PHACTR2: variants seen among roughly 807,000 people sequenced by gnomAD.
PHACTR2 encodes phosphatase and actin regulator 2, also known as chromosome 6 open reading frame 56.
In PHACTR2, 30 loss-of-function variants were observed where a neutral mutation model predicts 76.0. That is an observed-to-expected ratio of 0.39 (90% CI 0.30 to 0.54). The LOEUF (loss-of-function observed/expected upper bound fraction) is 0.54, where lower values mean the gene tolerates loss of function less well. Among genes scored for constraint, PHACTR2 ranks in the 20% least tolerant of loss-of-function variants. The probability of loss-of-function intolerance (pLI) is 0.61; values close to 1 mark genes in which losing one functional copy is unlikely to be tolerated. For missense variants in PHACTR2, 696 were observed against 781.1 expected (o/e 0.89, Z 1.30); for synonymous variants, 292 against 292.5 (o/e 1.00, Z 0.02).
chr6:143,669,951 G>T (rs996196858), intron 1 of PHACTR2, among the ~76,000 whole-genome samples: 3 of 152,148 alleles, frequency 2.0e-5, no homozygotes, highest in Admixed American at 6.5e-5. Flanking sequence ...AGTGTCGATG[G>T]ACTTTACAAT....
chr6:143,790,871 G>T (rs1775668591), intron 11 of PHACTR2, among the ~76,000 whole-genome samples: 1 of 152,028 alleles, frequency 6.6e-6, no homozygotes, highest in East Asian at 1.9e-4. Context: ...TAGAGATGGG[G>T]TTTCACCGTG....
At position 143,800,108 on chromosome 6, in the gene PHACTR2, T is replaced by C. The variant is rs958001173; in HGVS notation, c.1846-6949T>C. On this transcript the variant is annotated intron_variant, in intron 11 of 12. Coordinates refer to ENST00000440869, the MANE Select transcript of PHACTR2 (RefSeq NM_001100164.2). This position sits in a 1 kb window ranked among gnomAD's most constrained non-coding sequence, Gnocchi z 4.8. ...ATTTAGGATAGTTAACTCTTTTTGTTGAATTGATCCCTTCACCATTACGTA... is the reference window on the plus strand; with the variant it reads ...ATTTAGGATAGTTAACTCTTTTTGTCGAATTGATCCCTTCACCATTACGTA... Among the ~76,000 whole-genome samples, 1 of 152,204 alleles carries C rather than the reference T, an allele frequency of 6.6e-6. No individual in the cohort carries two copies. Among genetic ancestry groups the C allele is most frequent in the African/African-American group, 2.4e-5 (1 of 41,448 alleles).
In PHACTR2 at chr6:143,571,205, C is replaced by CTAACAATTATCATTGTTAG. The variant is rs973767022; in HGVS notation, c.217+34014_217+34032dup. On this transcript the variant is annotated intron_variant, in intron 1 of 11. Coordinates refer to the PHACTR2 transcript ENST00000367584. This position sits in a 1 kb window ranked among gnomAD's most constrained non-coding sequence, Gnocchi z 4.6. ...CATTCAAATTTAGCCAATTATCCCACTAACAATTATCATTGTTAGTAACAA... is the reference window on the plus strand; with the variant it reads ...CATTCAAATTTAGCCAATTATCCCACTAACAATTATCATTGTTAGTAACAATTATCATTGTTAGTAACAA... 1.3e-4 allele frequency among the ~76,000 whole-genome samples: 20 copies of CTAACAATTATCATTGTTAG among 152,190 alleles called. No individual in the cohort carries two copies. The highest frequency in any genetic ancestry group is 4.1e-4 in the South Asian group (2 of 4,834).
At position 143,697,949 on chromosome 6, in the gene PHACTR2, T is replaced by C. The variant is rs1249246848; in HGVS notation, c.47-14067T>C. ...TCTTGCTTCTCAGAGAGGTAGTCTTTTTTTTAACCTACTCACTTAATAACA... is the reference window on the plus strand; with the variant it reads ...TCTTGCTTCTCAGAGAGGTAGTCTTCTTTTTAACCTACTCACTTAATAACA... On this transcript the variant is annotated intron_variant, in intron 1 of 12. Coordinates refer to ENST00000440869, the MANE Select transcript of PHACTR2 (RefSeq NM_001100164.2). This position sits in a 1 kb window ranked among gnomAD's most constrained non-coding sequence, Gnocchi z 4.4. 6.6e-6 allele frequency among the ~76,000 whole-genome samples: 1 copy of C among 152,164 alleles called. No homozygotes were observed. The highest frequency in any genetic ancestry group is 1.5e-5 in the Non-Finnish European group (1 of 68,030).
chr6:143,823,691 G>A lies in PHACTR2; in HGVS notation c.*2G>A, dbSNP rs114792522. 1.0e-3 allele frequency: 1,630 copies of A among 1,610,518 alleles called. 15 individuals carry two copies. In the African/African-American group the frequency reaches 0.019, roughly 19 times the overall value. On this transcript the variant is annotated 3_prime_UTR_variant, in exon 13 of 13. Transcript: ENST00000440869. This position sits in a 1 kb window ranked among gnomAD's most constrained non-coding sequence, Gnocchi z 5.7. The stretch of plus-strand genomic sequence containing the variant: ...TACTCCAGGTTTCATCGTCCATAAC[G>A]AAGAGTGAGACTATTTGGAAACAGA...
Position 143,608,269 on chromosome 6 carries a change from C to T in PHACTR2, c.-41C>T, listed in dbSNP as rs186123794. 1.7e-5 allele frequency: 27 copies of T among 1,612,124 alleles called. No homozygotes were observed. In the Admixed American group the frequency reaches 3.3e-4, roughly 20 times the overall value. Reference sequence around the variant, plus strand: ...GTTAGTCAGAAGAGCCAGGGCTTCCCGGCTGCCAGGCTACAGAACTCGCCT... The same window carrying T: ...GTTAGTCAGAAGAGCCAGGGCTTCCTGGCTGCCAGGCTACAGAACTCGCCT... On this transcript the variant is annotated 5_prime_UTR_variant, in exon 1 of 12. Coordinates refer to the PHACTR2 transcript ENST00000305766. The surrounding 1 kb of genome is among the most constrained non-coding windows in gnomAD (Gnocchi z 4.6).
chr6:143,685,229 G>T (rs1777487761), intron 1 of PHACTR2, among the ~76,000 whole-genome samples: 1 of 151,860 alleles, frequency 6.6e-6, no homozygotes, highest in Non-Finnish European at 1.5e-5. Flanking sequence ...AGCTTAAGAT[G>T]AATAGATTTA....
At chr6:143,594,212 A>G (rs962418134) in intron 1 of PHACTR2, among the ~76,000 whole-genome samples, 1 of 152,258 alleles carries the variant, frequency 6.6e-6, no homozygotes, top group African/African-American at 2.4e-5. Flanking sequence ...AACATAAATG[A>G]ATTTTCTGTT....
chr6:143,552,736 T>C (rs1775109675), intron 1 of PHACTR2, among the ~76,000 whole-genome samples: 1 of 151,736 alleles, frequency 6.6e-6, no homozygotes, highest in African/African-American at 2.4e-5. Flanking sequence ...AAACCCTGTC[T>C]CTACTAAAAA....
At chr6:143,720,563 T>G (rs1778415441) in intron 2 of PHACTR2, among the ~76,000 whole-genome samples, 1 of 152,222 alleles carries the variant, frequency 6.6e-6, no homozygotes, top group Non-Finnish European at 1.5e-5. Context: ...TTTTGTCTGA[T>G]AATGTAACCA....
At position 143,659,089 on chromosome 6, in the gene PHACTR2, A is replaced by G. The variant is rs1185129260; in HGVS notation, c.13+50767A>G. ...GACACTTACCATGAATGGAGCTTGC[A>G]GGACTGGAGGTTGCCCTAGGTAAGT... On this transcript the variant is annotated intron_variant, in intron 1 of 11. Transcript: ENST00000305766. This position sits in a 1 kb window ranked among gnomAD's most constrained non-coding sequence, Gnocchi z 5.0. 6.6e-6 allele frequency among the ~76,000 whole-genome samples: 1 copy of G among 152,096 alleles called. No individual in the cohort carries two copies. The highest frequency in any genetic ancestry group is 2.4e-5 in the African/African-American group (1 of 41,432).
In PHACTR2 at chr6:143,597,308, CT is replaced by C. The variant is rs1264326172; in HGVS notation, c.217+60107del. The stretch of plus-strand genomic sequence containing the variant: ...GGTCTAGGGTATCTCAGTGGTTTTG[CT>C]TTTTTGCCTTGAGCAGTTGTACGGA... On this transcript the variant is annotated intron_variant, in intron 1 of 11. Coordinates refer to the PHACTR2 transcript ENST00000367584. This position sits in a 1 kb window ranked among gnomAD's most constrained non-coding sequence, Gnocchi z 5.7. Among the ~76,000 whole-genome samples the C allele has an allele frequency of 4.6e-5, 7 of 152,136 alleles. No homozygotes were observed. The highest frequency in any genetic ancestry group is 2.0e-4 in the Admixed American group (3 of 15,276).
chr6:143,812,390 G>A (rs1051786240), intron 12 of PHACTR2, among the ~76,000 whole-genome samples: 1 of 152,206 alleles, frequency 6.6e-6, no homozygotes, highest in Non-Finnish European at 1.5e-5. Flanking sequence ...TGAAGATTAC[G>A]TCGTGGTGGC....
intron 1 of PHACTR2, among the ~76,000 whole-genome samples, chr6:143,692,978 G>C (rs966323306): frequency 6.6e-6 from 1 of 152,142 alleles, no homozygotes; most frequent in Non-Finnish European, 1.5e-5. Context: ...TCTTTAACTT[G>C]TAGATGTCTG....
chr6:143,615,803 T>A (rs1024947251), intron 1 of PHACTR2, among the ~76,000 whole-genome samples: 6 of 152,160 alleles, frequency 3.9e-5, no homozygotes, highest in South Asian at 2.1e-4. Flanking sequence ...AGATCATGAT[T>A]AGAGGGAAGA....
At chr6:143,637,565 G>A (rs1776481389) in intron 1 of PHACTR2, among the ~76,000 whole-genome samples, 1 of 152,206 alleles carries the variant, frequency 6.6e-6, no homozygotes, top group Non-Finnish European at 1.5e-5. Context: ...GTCACAGCTT[G>A]TATGGGTCAG....
Position 143,570,413 on chromosome 6 carries a change from G to T in PHACTR2, c.217+33206G>T, listed in dbSNP as rs1277121569. 6.6e-6 allele frequency among the ~76,000 whole-genome samples: 1 copy of T among 152,184 alleles called. No individual in the cohort carries two copies. The highest frequency in any genetic ancestry group is 1.5e-5 in the Non-Finnish European group (1 of 68,036). On this transcript the variant is annotated intron_variant, in intron 1 of 11. Transcript: ENST00000367584. This position sits in a 1 kb window ranked among gnomAD's most constrained non-coding sequence, Gnocchi z 4.6. ...CACTGTGCTGGAGATTAAAATGTGAGATGAGGAGTAACACACTTGCCAGTG... is the reference window on the plus strand; with the variant it reads ...CACTGTGCTGGAGATTAAAATGTGATATGAGGAGTAACACACTTGCCAGTG...
At position 143,648,574 on chromosome 6, in the gene PHACTR2, T is replaced by C. The variant is rs1179315228; in HGVS notation, c.13+40252T>C. 1.3e-5 allele frequency among the ~76,000 whole-genome samples: 2 copies of C among 152,156 alleles called. No homozygotes were observed. The highest frequency in any genetic ancestry group is 2.9e-5 in the Non-Finnish European group (2 of 68,018). ...GCTAAGGTGGAGTGGAAGGAAATCC[T>C]ATCATTACTGTGGCTGCCCTCTGAG... On this transcript the variant is annotated intron_variant, in intron 1 of 11. Transcript: ENST00000305766. This position sits in a 1 kb window ranked among gnomAD's most constrained non-coding sequence, Gnocchi z 6.7.
chr6:143,565,341 G>T (rs1419232366), intron 1 of PHACTR2, among the ~76,000 whole-genome samples: 1 of 152,210 alleles, frequency 6.6e-6, no homozygotes, highest in African/African-American at 2.4e-5. Flanking sequence ...GTGCCAGGCC[G>T]GGCGCGGTGG....
Sources: gnomAD v4.1 joint callset for allele counts (sites outside exome capture counted in the v4.1 genomes callset) on GRCh38, gnomAD v4.1.1 for gene constraint, Gnocchi (gnomAD v3.1) non-coding constraint, MANE v1.5 for transcripts, NCBI Gene and HGNC (gene_info 2026-07-23, HGNC 2026-07-21) for gene names.